The following SHKBP1 variants were observed in gnomAD, a reference collection of about 807,000 sequenced individuals.
SHKBP1 encodes SH3KBP1 binding protein 1.
Under a neutral mutation model 83.9 loss-of-function variants are expected in SHKBP1, and 71 were observed. The ratio of observed to expected loss-of-function variants is 0.85; its 90% CI spans 0.70 to 1.03. The LOEUF (loss-of-function observed/expected upper bound fraction) is 1.03. SHKBP1 is among the 50% of genes least tolerant of loss of function. The probability of loss-of-function intolerance (pLI) is 0.00; values close to 1 mark genes in which losing one functional copy is unlikely to be tolerated. For synonymous variants in SHKBP1, 371 were observed against 398.0 expected (o/e 0.93, Z 0.81); for missense variants, 824 against 982.4 (o/e 0.84, Z 2.16).
At chr19:40,583,304 G>A (rs2081284869) in intron 10 of SHKBP1, 94 bp from the exon 11 acceptor site, 8 of 1,028,812 alleles carry the variant, frequency 7.8e-6, no homozygotes, top group Non-Finnish European at 1.1e-5. Context: ...GGGTTCTGGA[G>A]GTGGAGGAGA....
In SHKBP1 at chr19:40,583,542, GA is replaced by G. The variant is rs990481763; in HGVS notation, c.1048+58del. Reference sequence around the variant, plus strand: ...GACCCTCCCCTGGGAGAGGGGAAGGGAGGGAGAGAGGCTGGGGCACTTGGAA... The same window carrying G: ...GACCCTCCCCTGGGAGAGGGGAAGGGGGGAGAGAGGCTGGGGCACTTGGAA... On this transcript the variant is annotated intron_variant, in intron 11 of 17. Coordinates refer to ENST00000291842, the MANE Select transcript of SHKBP1 (RefSeq NM_138392.4). 3.1e-6 allele frequency: 5 copies of G among 1,611,058 alleles called. No individual in the cohort carries two copies. The African/African-American group carries it at 6.7e-5, about 22-fold the overall frequency.
Position 40,577,831 on chromosome 19 carries a change from C to T in SHKBP1, c.260+201C>T. ...CCGAGGTGGGAGGATCACTTGAGCCCAGGATTTGGAGACTAGCCTGGGCAA... is the reference window on the plus strand; with the variant it reads ...CCGAGGTGGGAGGATCACTTGAGCCTAGGATTTGGAGACTAGCCTGGGCAA... On this transcript the variant is annotated intron_variant, in intron 4 of 17. Transcript: ENST00000291842. 3 of 684,650 alleles carry T rather than the reference C, an allele frequency of 4.4e-6. No homozygotes were observed. The South Asian group carries it at 5.3e-5, about 12-fold the overall frequency. 42.4% of individuals were successfully genotyped at this position (684,650 alleles called of 1,614,324 possible).
At chr19:40,577,355 C>A in intron 2 of SHKBP1, 41 bp from the exon 3 acceptor site, 1 of 1,613,894 alleles carries the variant, frequency 6.2e-7, no homozygotes, top group Non-Finnish European at 8.5e-7. Flanking sequence ...AATATCCACT[C>A]CCCCGGCCCG....
At position 40,582,418 on chromosome 19, in the gene SHKBP1, C is replaced by T; in HGVS notation, c.912C>T (p.Ser304=). 1 of 1,614,172 alleles carries T rather than the reference C, an allele frequency of 6.2e-7. No individual in the cohort carries two copies. The highest frequency in any genetic ancestry group is 8.5e-7 in the Non-Finnish European group (1 of 1,180,028). ...FFVGNQLIAT[S]HTGRIGVWNA... is the part of the protein sequence containing the mutation. ...TCGGGAACCAGCTCATTGCTACAAG[C>T]CACACAGGGCGCATCGGGGTGTGGA... The change falls in exon 10 of 18, where the codon AGC becomes AGT. Residue 304 remains serine, a synonymous_variant. Coordinates refer to ENST00000291842, the MANE Select transcript of SHKBP1 (RefSeq NM_138392.4).
chr19:40,587,577 C>T (rs1425613696), intron 13 of SHKBP1, among the ~76,000 whole-genome samples: 2 of 151,842 alleles, frequency 1.3e-5, no homozygotes, highest in African/African-American at 2.4e-5. Context: ...GGCAACAGAG[C>T]GAGACTCCAT....
In SHKBP1 at chr19:40,590,728, A is replaced by T; in HGVS notation, c.1769-2A>T. On this transcript the variant is annotated splice_acceptor_variant, in intron 16 of 17. Coordinates refer to ENST00000291842, the MANE Select transcript of SHKBP1 (RefSeq NM_138392.4). LOFTEE classifies it high-confidence loss of function. The surrounding 1 kb of genome is among the most constrained non-coding windows in gnomAD (Gnocchi z 4.6). ...CCCTGACCCTGCTTCCGTGCCCCCC[A>T]GCAGGTGGCCTGACGGAGCAAGAGC... 1 of 1,584,252 alleles carries T rather than the reference A, an allele frequency of 6.3e-7. No individual in the cohort carries two copies. Among genetic ancestry groups the T allele is most frequent in the South Asian group, 1.1e-5 (1 of 88,890 alleles).
At chr19:40,588,124 G>A (rs2081326605) in intron 13 of SHKBP1, among the ~76,000 whole-genome samples, 1 of 152,194 alleles carries the variant, frequency 6.6e-6, no homozygotes, top group South Asian at 2.1e-4. Context: ...AGGCTCTGAG[G>A]TGAGAGGATG....
chr19:40,586,729 G>C (rs1241993216), intron 12 of SHKBP1, 45 bp from the exon 13 acceptor site: 1 of 1,454,070 alleles, frequency 6.9e-7, no homozygotes, highest in Admixed American at 2.5e-5. Context: ...CCTGGTTTCT[G>C]TCTCTGTGGC....
Position 40,577,379 on chromosome 19 carries a change from G to T in SHKBP1, c.141-17G>T. On this transcript the variant is annotated splice_polypyrimidine_tract_variant and intron_variant, in intron 2 of 17. Transcript: ENST00000291842. The stretch of plus-strand genomic sequence containing the variant: ...TCCCCCGGCCCGTGACGCCTGCTCG[G>T]TGTCCCTTCCCTGCAGTCTTCTGAG... 1 of 1,614,052 alleles carries T rather than the reference G, an allele frequency of 6.2e-7. No individual in the cohort carries two copies. The highest frequency in any genetic ancestry group is 8.5e-7 in the Non-Finnish European group (1 of 1,180,026).
chr19:40,580,189 C>G, intron 6 of SHKBP1, 135 bp from the exon 7 acceptor site: 1 of 1,021,882 alleles, frequency 9.8e-7, no homozygotes, highest in Middle Eastern at 2.8e-4. Context: ...TGCTGTGTCA[C>G]TGCACCACTT....
rs1215574714 is a variant in SHKBP1, at chr19:40,586,768, C to T, written c.1166-6C>T. Reference sequence around the variant, plus strand: ...GGCCCTCTCCTCATCCTTGGCCCCTCACCAGGTGACAGTGGGAACTGGATC... The same window carrying T: ...GGCCCTCTCCTCATCCTTGGCCCCTTACCAGGTGACAGTGGGAACTGGATC... On this transcript the variant is annotated splice_polypyrimidine_tract_variant and splice_region_variant and intron_variant, in intron 12 of 17. Transcript: ENST00000291842. The T allele has an allele frequency of 6.4e-7, 1 of 1,571,448 alleles. No homozygotes were observed. Among genetic ancestry groups the T allele is most frequent in the Non-Finnish European group, 8.7e-7 (1 of 1,153,848 alleles).
Position 40,586,754 on chromosome 19 carries a change from C to T in SHKBP1, c.1166-20C>T. The T allele has an allele frequency of 6.5e-7, 1 of 1,544,060 alleles. No individual in the cohort carries two copies. Among genetic ancestry groups the T allele is most frequent in the Middle Eastern group, 1.8e-4 (1 of 5,576 alleles). ...GTCTCTGTGGCCCAGGCCCTCTCCT[C>T]ATCCTTGGCCCCTCACCAGGTGACA... On this transcript the variant is annotated intron_variant, in intron 12 of 17. Transcript: ENST00000291842.
chr19:40,577,355 C>G (rs752312443), intron 2 of SHKBP1, 41 bp from the exon 3 acceptor site: 136 of 1,613,776 alleles, frequency 8.4e-5, no homozygotes, highest in Non-Finnish European at 1.0e-4. Flanking sequence ...AATATCCACT[C>G]CCCCGGCCCG....
At chr19:40,581,035 C>G (rs568125490) in intron 9 of SHKBP1, 99 bp downstream of exon 9, 1 of 1,177,776 alleles carries the variant, frequency 8.5e-7, no homozygotes, top group East Asian at 2.5e-5. Flanking sequence ...TAAGAATTCT[C>G]TGCTCTATTA....
Position 40,590,793 on chromosome 19 carries a change from C to A in SHKBP1, c.1832C>A (p.Ala611Asp). 1 of 1,602,056 alleles carries A rather than the reference C, an allele frequency of 6.2e-7. No individual in the cohort carries two copies. The highest frequency in any genetic ancestry group is 8.5e-7 in the Non-Finnish European group (1 of 1,170,242). The change falls in exon 17 of 18, where the codon GCT becomes GAT. Residue 611 changes from alanine (A) to aspartate (D), a missense_variant. Ala to Asp is a moderately radical substitution (Grantham distance 126). Coordinates refer to ENST00000291842, the MANE Select transcript of SHKBP1 (RefSeq NM_138392.4). This position sits in a 1 kb window ranked among gnomAD's most constrained non-coding sequence, Gnocchi z 4.6. ...QLEHCELAPP[A>D]PSAPSWGCLP... ...GAACACTGTGAGCTGGCCCCGCCGG[C>A]TCCTTCAGCTCCCTCATGGGGCTGT...
At position 40,583,532 on chromosome 19, in the gene SHKBP1, G is replaced by C. The variant is rs770884117; in HGVS notation, c.1048+47G>C. The C allele has an allele frequency of 5.6e-6, 9 of 1,609,078 alleles. No homozygotes were observed. In the South Asian group the frequency reaches 9.9e-5, roughly 18 times the overall value. ...GGGTGCCCGAGACCCTCCCCTGGGA[G>C]AGGGGAAGGGAGGGAGAGAGGCTGG... On this transcript the variant is annotated intron_variant, in intron 11 of 17. Coordinates refer to ENST00000291842, the MANE Select transcript of SHKBP1 (RefSeq NM_138392.4).
Position 40,589,185 on chromosome 19 carries a change from ACAG to A in SHKBP1, c.1589+8_1589+10del. The A allele has an allele frequency of 1.7e-6, 1 of 590,934 alleles. No individual in the cohort carries two copies. Among genetic ancestry groups the A allele is most frequent in the Non-Finnish European group, 2.2e-6 (1 of 459,462 alleles). The allele number at this position is 590,934 out of a possible 1,614,324, so 36.6% of individuals were successfully genotyped here. A position where few individuals can be genotyped will look rare whatever the true frequency, so the allele number is the denominator to read the frequency against. On this transcript the variant is annotated splice_region_variant and intron_variant, in intron 15 of 17. Transcript: ENST00000291842. The stretch of plus-strand genomic sequence containing the variant: ...TCTCATCTACTGGGCAGCGGTGAGG[ACAG>A]TCCTGTCCAACAGGGAGGGAGGACA...
At chr19:40,583,175 AGT>A (rs1264575449) in intron 10 of SHKBP1, among the ~76,000 whole-genome samples, 1 of 152,140 alleles carries the variant, frequency 6.6e-6, no homozygotes, top group Non-Finnish European at 1.5e-5. Context: ...AACTTTAAAA[AGT>A]ACAGAGTCCA....
chr19:40,577,540 GC>G lies in SHKBP1; in HGVS notation c.187-11del, dbSNP rs753801842. ...CTGCCTTTTACCCCATCCATCCTCT[GC>G]CCCCCTTTCCCGCAGATCTTCATCG... is the stretch of plus-strand genomic sequence containing the variant. On this transcript the variant is annotated splice_polypyrimidine_tract_variant and intron_variant, in intron 3 of 17. Transcript: ENST00000291842. The G allele has an allele frequency of 3.7e-6, 6 of 1,613,982 alleles. No individual in the cohort carries two copies. Among genetic ancestry groups the G allele is most frequent in the South Asian group, 3.3e-5 (3 of 91,078 alleles).
Sources: gnomAD v4.1 joint callset for allele counts (sites outside exome capture counted in the v4.1 genomes callset) on GRCh38, gnomAD v4.1.1 for gene constraint, Gnocchi (gnomAD v3.1) non-coding constraint, MANE v1.5 for transcripts, NCBI Gene and HGNC (gene_info 2026-07-23, HGNC 2026-07-21) for gene names.